The following RBM33 variants were observed in gnomAD, a reference collection of about 807,000 sequenced individuals.
The protein encoded by RBM33 is RNA-binding protein 33.
In RBM33, 28 loss-of-function variants were observed where a neutral mutation model predicts 132.6. The ratio of observed to expected loss-of-function variants is 0.21; its 90% CI spans 0.16 to 0.29. The LOEUF is 0.29. Among genes scored for constraint, RBM33 ranks in the 10% least tolerant of loss-of-function variants. The probability of loss-of-function intolerance (pLI) is 1.00; values close to 1 mark genes in which losing one functional copy is unlikely to be tolerated. For synonymous variants in RBM33, 634 were observed against 593.0 expected, an observed-to-expected ratio of 1.07 and a Z score of -1.01; for missense variants, 1,291 against 1,518.5, an observed-to-expected ratio of 0.85 and a Z score of 2.49.
At chr7:155,734,795 A>G (rs1020367400) in intron 9 of RBM33, among the ~76,000 whole-genome samples, 1 of 152,100 alleles carries the variant, frequency 6.6e-6, no homozygotes, top group Non-Finnish European at 1.5e-5. Flanking sequence ...CACCATTGCC[A>G]ATTTGCGTGG....
At chr7:155,681,797 C>A (rs1799344605) in intron 5 of RBM33, among the ~76,000 whole-genome samples, 1 of 151,548 alleles carries the variant, frequency 6.6e-6, no homozygotes, top group Admixed American at 6.6e-5. Context: ...GCTTTTGTTT[C>A]AAAAAAATAG....
Position 155,760,120 on chromosome 7 carries a change from A to G in RBM33, c.2980-3692A>G, listed in dbSNP as rs79741330. On this transcript the variant is annotated intron_variant, in intron 14 of 17. Transcript: ENST00000401878. ...AGTACAGGCAACTATTTACTGATCTATTCACTAAATATTTCAGTGCCTTCT... is the reference window on the plus strand; with the variant it reads ...AGTACAGGCAACTATTTACTGATCTGTTCACTAAATATTTCAGTGCCTTCT... Among the ~76,000 whole-genome samples the G allele has an allele frequency of 7.5e-4, 114 of 152,360 alleles. 1 individual carries two copies. In the East Asian group the frequency reaches 0.02, roughly 27 times the overall value.
At chr7:155,713,397 AG>A (rs1403655039) in intron 8 of RBM33, among the ~76,000 whole-genome samples, 1 of 151,908 alleles carries the variant, frequency 6.6e-6, no homozygotes, top group Non-Finnish European at 1.5e-5. Context: ...ACTGGGACCT[AG>A]GGCACTTGAC....
intron 1 of RBM33, among the ~76,000 whole-genome samples, chr7:155,656,544 A>G (rs902582801): frequency 1.3e-5 from 2 of 152,188 alleles, no homozygotes; most frequent in Non-Finnish European, 2.9e-5. Context: ...GATTTCTTTC[A>G]TGTGTTTCAG....
At chr7:155,673,593 TAC>T (rs1210766246) in intron 3 of RBM33, among the ~76,000 whole-genome samples, 2 of 75,244 alleles carry the variant, frequency 2.7e-5, no homozygotes, top group Non-Finnish European at 5.1e-5. Context: ...TATATATATA[TAC>T]ACACATATAC....
chr7:155,763,794 C>T lies in RBM33; in HGVS notation c.2980-18C>T, dbSNP rs191426388. The T allele has an allele frequency of 8.4e-5, 134 of 1,599,580 alleles. 2 individuals are homozygous for T. In the African/African-American group the frequency reaches 1.7e-3, roughly 20 times the overall value. On this transcript the variant is annotated intron_variant, in intron 14 of 17. Coordinates refer to ENST00000401878, the MANE Select transcript of RBM33 (RefSeq NM_053043.3). Reference sequence around the variant, plus strand: ...GGAGCAGACACTGAACAACGTGCTGCCTTCTTGGTTTCAGCAGGGAGGAGA... The same window carrying T: ...GGAGCAGACACTGAACAACGTGCTGTCTTCTTGGTTTCAGCAGGGAGGAGA...
At chr7:155,716,335 A>C (rs1274841325) in intron 8 of RBM33, among the ~76,000 whole-genome samples, 1 of 30,704 alleles carries the variant, frequency 3.3e-5, no homozygotes, top group Admixed American at 2.3e-4. Context: ...TTTTTTTTAA[A>C]TAGGGAAAAG....
rs897541183 is a variant in RBM33 at position 155,715,521 on chromosome 7, C to A, written c.1202-2864C>A. 2.0e-5 allele frequency among the ~76,000 whole-genome samples: 3 copies of A among 152,114 alleles called. No homozygotes were observed. The South Asian group carries it at 6.2e-4, about 32-fold the overall frequency. On this transcript the variant is annotated intron_variant, in intron 8 of 17. Coordinates refer to ENST00000401878, the MANE Select transcript of RBM33 (RefSeq NM_053043.3). ...AAGTGTAGAATGCAGGCCTTGCACC[C>A]CAAAGCGCACGTGTGATTTAGCAAC...
At chr7:155,657,150 T>C (rs1342450825) in intron 1 of RBM33, among the ~76,000 whole-genome samples, 2 of 152,230 alleles carry the variant, frequency 1.3e-5, no homozygotes, top group African/African-American at 4.8e-5. Flanking sequence ...TAGTATTTTA[T>C]GGCGTCTCTC....
intron 9 of RBM33, 66 bp downstream of exon 9, chr7:155,718,509 T>C: frequency 3.8e-6 from 5 of 1,313,160 alleles, no homozygotes; most frequent in Non-Finnish European, 1.1e-6. Context: ...AATATTAATA[T>C]AGCAAGTGCA....
intron 4 of RBM33, among the ~76,000 whole-genome samples, chr7:155,678,973 A>T (rs1037160233): frequency 3.9e-5 from 6 of 152,020 alleles, no homozygotes; most frequent in African/African-American, 1.4e-4. Context: ...GGAGTTTGAG[A>T]CCAGCCTGGT....
Position 155,774,977 on chromosome 7 carries a change from C to G in RBM33, c.3465-16C>G, listed in dbSNP as rs1486406711. ...TGTGCAGGGTTAGTGTCGATCGTTT[C>G]TTTAAATTTTCACAGGCATATGATA... On this transcript the variant is annotated splice_polypyrimidine_tract_variant and intron_variant, in intron 17 of 17. Coordinates refer to ENST00000401878, the MANE Select transcript of RBM33 (RefSeq NM_053043.3). The surrounding 1 kb of genome is among the most constrained non-coding windows in gnomAD (Gnocchi z 4.2). The G allele has an allele frequency of 6.2e-7, 1 of 1,612,472 alleles. No individual in the cohort carries two copies. Among genetic ancestry groups the G allele is most frequent in the Non-Finnish European group, 8.5e-7 (1 of 1,178,910 alleles).
chr7:155,652,899 A>G (rs1798395316), intron 1 of RBM33, among the ~76,000 whole-genome samples: 2 of 152,208 alleles, frequency 1.3e-5, no homozygotes, highest in Non-Finnish European at 2.9e-5. Flanking sequence ...ACAGAGGGAA[A>G]TGACTCAGAA....
intron 16 of RBM33, among the ~76,000 whole-genome samples, chr7:155,772,538 C>T (rs1328265342): frequency 3.3e-5 from 5 of 152,216 alleles, no homozygotes; most frequent in Admixed American, 3.3e-4. Flanking sequence ...AGCCATATTG[C>T]AAGCCATATT....
At chr7:155,742,693 TATG>T (rs1477057605) in intron 13 of RBM33, among the ~76,000 whole-genome samples, 3 of 152,332 alleles carry the variant, frequency 2.0e-5, no homozygotes, top group African/African-American at 7.2e-5. Flanking sequence ...TGTGTTGAAG[TATG>T]ATGATATATG....
chr7:155,713,317 T>C (rs943401474), intron 8 of RBM33, among the ~76,000 whole-genome samples: 7 of 151,844 alleles, frequency 4.6e-5, no homozygotes, highest in Non-Finnish European at 1.0e-4. Context: ...TGTTGGTGAA[T>C]AGGTGGATTT....
At chr7:155,692,504 C>T (rs1219663232) in intron 5 of RBM33, among the ~76,000 whole-genome samples, 1 of 152,174 alleles carries the variant, frequency 6.6e-6, no homozygotes, top group Non-Finnish European at 1.5e-5. Flanking sequence ...TTCAGGGTTT[C>T]CTGTGCAGAG....
chr7:155,752,371 AT>A (rs929435004), intron 14 of RBM33, among the ~76,000 whole-genome samples: 3 of 152,112 alleles, frequency 2.0e-5, no homozygotes, highest in Non-Finnish European at 4.4e-5. Context: ...TTTGTACTGT[AT>A]TTTTTGAAAT....
At chr7:155,693,150 A>C (rs967725141) in intron 5 of RBM33, among the ~76,000 whole-genome samples, 1 of 152,236 alleles carries the variant, frequency 6.6e-6, no homozygotes, top group African/African-American at 2.4e-5. Context: ...TGGTGGAATT[A>C]TTTAGTCTTT....
Sources: allele counts gnomAD v4.1 joint callset (sites outside exome capture counted in the v4.1 genomes callset), GRCh38; gene constraint gnomAD v4.1.1; non-coding constraint Gnocchi (gnomAD v3.1); transcripts MANE v1.5; gene names NCBI Gene and HGNC (gene_info 2026-07-23, HGNC 2026-07-21).